SLC33A1: variants seen among roughly 807,000 people sequenced by gnomAD.
SLC33A1 encodes acetyl-coenzyme A transporter 1.
A neutral mutation model predicts 50.0 loss-of-function variants in SLC33A1; 20 were observed. The ratio of observed to expected loss-of-function variants is 0.40; its 90% CI spans 0.28 to 0.58. SLC33A1 has a LOEUF of 0.58. SLC33A1 is among the 20% of genes least tolerant of loss of function. The pLI is 0.44. For synonymous variants in SLC33A1, 265 were observed against 251.8 expected (o/e 1.05, Z -0.50); for missense variants, 476 against 657.0 (o/e 0.72, Z 3.01).
Position 155,833,588 on chromosome 3 carries a change from A to G in SLC33A1, c.1149-3T>C. ...CATATTCTAACCCAAGCAATAATCT[A>G]TAGAGAAAGAAACATTGAGTTGACT... On this transcript the variant is annotated splice_polypyrimidine_tract_variant and splice_region_variant and intron_variant, in intron 3 of 5. Coordinates refer to ENST00000643144, the MANE Select transcript of SLC33A1 (RefSeq NM_004733.4). 6.6e-7 allele frequency: 1 copy of G among 1,506,740 alleles called. No homozygotes were observed. The highest frequency in any genetic ancestry group is 9.2e-7 in the Non-Finnish European group (1 of 1,082,346). 93.3% of individuals were successfully genotyped at this position (1,506,740 alleles called of 1,614,324 possible).
chr3:155,840,853 G>GTGC (rs1205281955), intron 2 of SLC33A1, among the ~76,000 whole-genome samples: 1 of 151,794 alleles, frequency 6.6e-6, no homozygotes, highest in Non-Finnish European at 1.5e-5. Context: ...GGGCATGGTG[G>GTGC]TGCACACTGT....
chr3:155,834,083 T>G (rs755137761), intron 2 of SLC33A1, 42 bp from the exon 3 acceptor site: 1 of 1,548,768 alleles, frequency 6.5e-7, no homozygotes, highest in South Asian at 1.1e-5. Flanking sequence ...TCGTGACTTA[T>G]GAAATATTTT....
chr3:155,828,421 G>C, intron 5 of SLC33A1, 44 bp from the exon 6 acceptor site: 4 of 1,204,172 alleles, frequency 3.3e-6, no homozygotes, highest in Non-Finnish European at 4.9e-6. Flanking sequence ...ATTTCAAAAT[G>C]AAAGTATTTA....
intron 2 of SLC33A1, among the ~76,000 whole-genome samples, chr3:155,834,291 A>G (rs1435164510): frequency 1.3e-5 from 2 of 152,202 alleles, no homozygotes; most frequent in African/African-American, 4.8e-5. Flanking sequence ...GGCTATAAAT[A>G]CAACTAAATT....
chr3:155,854,004 G>T lies in SLC33A1; in HGVS notation c.-7C>A. The T allele has an allele frequency of 6.5e-7, 1 of 1,540,266 alleles. No homozygotes were observed. The highest frequency in any genetic ancestry group is 8.7e-7 in the Non-Finnish European group (1 of 1,149,228). ...GGGAGATGGTGGGTGACATATCAGA[G>T]ACGATGCAGAGCCCCGTCTGTGGGG... On this transcript the variant is annotated 5_prime_UTR_variant, in exon 1 of 6. Coordinates refer to ENST00000643144, the MANE Select transcript of SLC33A1 (RefSeq NM_004733.4).
chr3:155,847,895 T>C (rs1753241143), intron 1 of SLC33A1, among the ~76,000 whole-genome samples: 1 of 152,238 alleles, frequency 6.6e-6, no homozygotes, highest in Non-Finnish European at 1.5e-5. Flanking sequence ...TTCCTGTATG[T>C]GCGTGCCTAT....
chr3:155,832,714 ACT>A (rs1466182776), intron 4 of SLC33A1, among the ~76,000 whole-genome samples: 5 of 121,412 alleles, frequency 4.1e-5, no homozygotes, highest in African/African-American at 1.8e-4. Flanking sequence ...AGCAAGCCAG[ACT>A]CTGTCTCAAA....
rs1206017785 is a variant in SLC33A1, at chr3:155,828,084, G to A, written c.*126C>T. On this transcript the variant is annotated 3_prime_UTR_variant, in exon 6 of 6. Coordinates refer to ENST00000643144, the MANE Select transcript of SLC33A1 (RefSeq NM_004733.4). Reference sequence around the variant, plus strand: ...AAGGTTTCTATTTTTTCAACCATTTGGCATTTTATATTATTAATTTCGCTG... The same window carrying A: ...AAGGTTTCTATTTTTTCAACCATTTAGCATTTTATATTATTAATTTCGCTG... 2.3e-5 allele frequency: 16 copies of A among 700,656 alleles called. No homozygotes were observed. The highest frequency in any genetic ancestry group is 3.7e-5 in the Non-Finnish European group (15 of 408,120). 43.4% of individuals were successfully genotyped at this position (700,656 alleles called of 1,614,324 possible).
chr3:155,843,662 A>G (rs1753012577), intron 1 of SLC33A1, among the ~76,000 whole-genome samples: 1 of 152,064 alleles, frequency 6.6e-6, no homozygotes, highest in Admixed American at 6.6e-5. Context: ...ACATGTATCA[A>G]CTCCTTTACT....
At chr3:155,842,045 G>A (rs1387895380) in intron 2 of SLC33A1, among the ~76,000 whole-genome samples, 1 of 152,014 alleles carries the variant, frequency 6.6e-6, no homozygotes, top group Non-Finnish European at 1.5e-5. Flanking sequence ...ACCACACCTG[G>A]CCCTATATCT....
At chr3:155,843,961 T>C (rs568434743) in intron 1 of SLC33A1, among the ~76,000 whole-genome samples, 48 of 152,344 alleles carry the variant, frequency 3.2e-4, no homozygotes, top group African/African-American at 1.1e-3. Flanking sequence ...CATTCTAGAC[T>C]TGTGCTCCAT....
chr3:155,852,165 A>G (rs567917195), intron 1 of SLC33A1, among the ~76,000 whole-genome samples: 10 of 152,292 alleles, frequency 6.6e-5, no homozygotes, highest in Admixed American at 3.3e-4. Flanking sequence ...AACAAACAAA[A>G]AAGCTTAGGC....
rs191835025 is a variant in SLC33A1 at position 155,821,373 on chromosome 3, C to G, written c.*6837G>C. On this transcript the variant is annotated 3_prime_UTR_variant, in exon 6 of 6. Coordinates refer to ENST00000643144, the MANE Select transcript of SLC33A1 (RefSeq NM_004733.4). ...ATTGAGTATTTTTTCCAATTTTACA[C>G]TAATTCTTGCAAAGGCAACATCTGG... is the stretch of plus-strand genomic sequence containing the variant. The G allele has an allele frequency of 2.0e-4, 31 of 152,286 alleles. No individual in the cohort carries two copies. In the East Asian group the frequency reaches 6.0e-3, roughly 29 times the overall value. The allele number at this position is 152,286 out of a possible 1,614,324, so 9.4% of individuals were successfully genotyped here.
At chr3:155,846,266 C>T (rs1195652779) in intron 1 of SLC33A1, among the ~76,000 whole-genome samples, 1 of 152,174 alleles carries the variant, frequency 6.6e-6, no homozygotes, top group African/African-American at 2.4e-5. Context: ...CCAGAAAGTG[C>T]CAGAAATGGC....
intron 2 of SLC33A1, among the ~76,000 whole-genome samples, chr3:155,841,895 G>A (rs1255750764): frequency 1.3e-5 from 2 of 151,988 alleles, no homozygotes; most frequent in Non-Finnish European, 2.9e-5. Flanking sequence ...CTAAAGGCAC[G>A]TGCCACCATG....
In SLC33A1 at chr3:155,826,319, A is replaced by G. The variant is rs6775631; in HGVS notation, c.*1891T>C. ...GGAGAATCACTTGAACCCAGGAGGC[A>G]GAGGTTGCAGTGAGCCGAGATTGCA... On this transcript the variant is annotated 3_prime_UTR_variant, in exon 6 of 6. Coordinates refer to ENST00000643144, the MANE Select transcript of SLC33A1 (RefSeq NM_004733.4). 29,989 of 151,774 alleles carry G rather than the reference A, an allele frequency of 0.2. 7,563 individuals are homozygous for G. The highest frequency in any genetic ancestry group is 0.58 in the African/African-American group (24,049 of 41,240). 9.4% of individuals were successfully genotyped at this position (151,774 alleles called of 1,614,324 possible). A position where few individuals can be genotyped will look rare whatever the true frequency, so the allele number is the denominator to read the frequency against.
At chr3:155,850,511 G>C (rs1333029780) in intron 1 of SLC33A1, among the ~76,000 whole-genome samples, 1 of 152,128 alleles carries the variant, frequency 6.6e-6, no homozygotes, top group Admixed American at 6.6e-5. Context: ...CATCATTCCA[G>C]AGAATAATGT....
At position 155,828,126 on chromosome 3, in the gene SLC33A1, A is replaced by G; in HGVS notation, c.*84T>C. 1.1e-6 allele frequency: 1 copy of G among 938,634 alleles called. No individual in the cohort carries two copies. Among genetic ancestry groups the G allele is most frequent in the South Asian group, 1.5e-5 (1 of 67,440 alleles). The allele number at this position is 938,634 out of a possible 1,614,324, so 58.1% of individuals were successfully genotyped here. On this transcript the variant is annotated 3_prime_UTR_variant, in exon 6 of 6. Coordinates refer to ENST00000643144, the MANE Select transcript of SLC33A1 (RefSeq NM_004733.4). ...ATTTCGCTGTTTAAAATAATATTTT[A>G]TACTCCTGTGCACTGATTATCATTG...
At chr3:155,829,945 T>A (rs779471738) in intron 4 of SLC33A1, 42 bp from the exon 5 acceptor site, 2 of 1,264,984 alleles carry the variant, frequency 1.6e-6, no homozygotes, top group East Asian at 2.3e-5. Flanking sequence ...ATTATAAAGC[T>A]TATAAAGCTA....
Sources: allele counts gnomAD v4.1 joint callset (sites outside exome capture counted in the v4.1 genomes callset), GRCh38; gene constraint gnomAD v4.1.1; transcripts MANE v1.5; gene names NCBI Gene and HGNC (gene_info 2026-07-23, HGNC 2026-07-21).